Variants in DCHS2 observed in about 807,000 individuals in gnomAD.
The protein encoded by DCHS2 is protocadherin-23.
Under a neutral mutation model 182.4 loss-of-function variants are expected in DCHS2, and 142 were observed. The observed-to-expected ratio is 0.78, with a 90% CI of 0.68 to 0.89. The LOEUF (loss-of-function observed/expected upper bound fraction) is 0.89, where lower values mean the gene tolerates loss of function less well. DCHS2 is among the 40% of genes least tolerant of loss of function. The probability of loss-of-function intolerance (pLI) is 0.00; values close to 1 mark genes in which losing one functional copy is unlikely to be tolerated. For missense variants in DCHS2, 4,319 were observed against 4,198.6 expected, an observed-to-expected ratio of 1.03 and a Z score of -0.79; for synonymous variants, 1,740 against 1,663.3, an observed-to-expected ratio of 1.05 and a Z score of -1.12.
At chr4:154,473,498 G>A (rs746088363) in intron 1 of DCHS2, among the ~76,000 whole-genome samples, 2 of 130,706 alleles carry the variant, frequency 1.5e-5, no homozygotes, top group Non-Finnish European at 3.3e-5. Flanking sequence ...ACACCCAGGT[G>A]ACATATGGAA....
At chr4:154,461,548 A>T (rs1275373211) in intron 1 of DCHS2, among the ~76,000 whole-genome samples, 1 of 152,204 alleles carries the variant, frequency 6.6e-6, no homozygotes, top group South Asian at 2.1e-4. Flanking sequence ...GAAAATATAT[A>T]AAATGGAAAA....
chr4:154,412,561 T>C (rs1732675999), intron 1 of DCHS2, among the ~76,000 whole-genome samples: 1 of 152,102 alleles, frequency 6.6e-6, no homozygotes, highest in Non-Finnish European at 1.5e-5. Flanking sequence ...TGAAATCTTA[T>C]TCACACTTGA....
rs79209084 is a variant in DCHS2 at position 154,332,071 on chromosome 4, C to T, written c.3730+407G>A. On this transcript the variant is annotated intron_variant, in intron 5 of 19. Coordinates refer to ENST00000357232, the MANE Select transcript of DCHS2 (RefSeq NM_001358235.2). The stretch of plus-strand genomic sequence containing the variant: ...GATGATATTTATATTTCACAAAATA[C>T]GTTTTGACGTTTTTTAAATGTCTAC... Among the ~76,000 whole-genome samples the T allele has an allele frequency of 1.7e-4, 26 of 152,096 alleles. No homozygotes were observed. In the East Asian group the frequency reaches 2.3e-3, roughly 14 times the overall value.
At chr4:154,349,633 C>T (rs1205051308) in intron 3 of DCHS2, among the ~76,000 whole-genome samples, 1 of 152,046 alleles carries the variant, frequency 6.6e-6, no homozygotes, top group African/African-American at 2.4e-5. Context: ...ATGACTAAAC[C>T]TTTGTTTCTA....
chr4:154,389,204 T>C (rs1731557169), intron 1 of DCHS2, among the ~76,000 whole-genome samples: 1 of 152,154 alleles, frequency 6.6e-6, no homozygotes, highest in African/African-American at 2.4e-5. Flanking sequence ...TGAAATATTA[T>C]TTCTCTCTCT....
chr4:154,335,997 C>T (rs1346652241), intron 3 of DCHS2, among the ~76,000 whole-genome samples: 1 of 152,132 alleles, frequency 6.6e-6, no homozygotes, highest in Non-Finnish European at 1.5e-5. Context: ...GCTCAAGTGC[C>T]AGAATCCCAA....
At chr4:154,351,582 G>T (rs1057019987) in intron 3 of DCHS2, among the ~76,000 whole-genome samples, 3 of 152,084 alleles carry the variant, frequency 2.0e-5, no homozygotes, top group African/African-American at 7.2e-5. Context: ...CCAAATCAGT[G>T]ATCCTCAACC....
chr4:154,416,291 C>G (rs1435364194), intron 1 of DCHS2, among the ~76,000 whole-genome samples: 1 of 152,222 alleles, frequency 6.6e-6, no homozygotes, highest in Non-Finnish European at 1.5e-5. Flanking sequence ...AGCACAGCTG[C>G]ATCAGCCCCG....
chr4:154,406,407 T>C (rs1228115553), intron 1 of DCHS2, among the ~76,000 whole-genome samples: 1 of 152,234 alleles, frequency 6.6e-6, no homozygotes, highest in African/African-American at 2.4e-5. Flanking sequence ...ATTCCTGTTC[T>C]CTTCTCTCAA....
At chr4:154,317,230 A>T (rs1396774167) in intron 9 of DCHS2, among the ~76,000 whole-genome samples, 2 of 152,258 alleles carry the variant, frequency 1.3e-5, no homozygotes, top group African/African-American at 4.8e-5. Context: ...CAAGAGATTC[A>T]CATTACCTAT....
At chr4:154,317,543 A>C (rs1227434347) in intron 9 of DCHS2, among the ~76,000 whole-genome samples, 1 of 152,242 alleles carries the variant, frequency 6.6e-6, no homozygotes. Context: ...ATTTAACTCC[A>C]TTCCAAATAA....
intron 1 of DCHS2, among the ~76,000 whole-genome samples, chr4:154,386,263 T>C (rs1579034464): frequency 1.3e-5 from 2 of 152,192 alleles, no homozygotes; most frequent in African/African-American, 4.8e-5. Flanking sequence ...CCTCCACTCC[T>C]GTCCGACTCT....
chr4:154,277,464 A>G (rs753616946), intron 13 of DCHS2, among the ~76,000 whole-genome samples: 10 of 152,124 alleles, frequency 6.6e-5, no homozygotes, highest in Non-Finnish European at 1.2e-4. Context: ...AAACCTCTCT[A>G]ATTGGGTAGT....
At chr4:154,259,279 G>A (rs1356779339) in intron 15 of DCHS2, among the ~76,000 whole-genome samples, 1 of 152,020 alleles carries the variant, frequency 6.6e-6, no homozygotes, top group Non-Finnish European at 1.5e-5. Context: ...CATACTTCTA[G>A]TGCTCAACAG....
rs1304740000 is a variant in DCHS2, at chr4:154,491,003, A to T, written c.353T>A (p.Val118Glu). The T allele has an allele frequency of 6.4e-7, 1 of 1,550,486 alleles. No homozygotes were observed. Among genetic ancestry groups the T allele is most frequent in the Admixed American group, 2.0e-5 (1 of 50,980 alleles). Reference protein sequence around the residue: ...DDSPLLDDFHVHPDTGIIRTA... With the variant: ...DDSPLLDDFHEHPDTGIIRTA... ...GCGGATGATGCCGGTGTCCGGGTGC[A>T]CGTGGAAGTCGTCCAGCAGCGGGGA... is the stretch of plus-strand genomic sequence containing the variant. The change falls in exon 1 of 20, where the codon GTG (valine) becomes GAG (glutamate). Residue 118 changes from valine to glutamate, a missense_variant. By Grantham distance (121) the Val-to-Glu change is moderately radical. Transcript: ENST00000357232.
intron 1 of DCHS2, among the ~76,000 whole-genome samples, chr4:154,462,090 C>T (rs1377428561): frequency 2.0e-5 from 3 of 152,118 alleles, no homozygotes; most frequent in East Asian, 3.9e-4. Flanking sequence ...AGATGAGATG[C>T]CTTCCTTCCC....
intron 1 of DCHS2, among the ~76,000 whole-genome samples, chr4:154,399,256 C>T (rs1385012084): frequency 1.3e-5 from 2 of 152,198 alleles, no homozygotes; most frequent in Admixed American, 6.5e-5. Flanking sequence ...TACCTACCCA[C>T]CCTCTCCCTT....
chr4:154,341,185 A>G (rs1729061634), intron 3 of DCHS2, among the ~76,000 whole-genome samples: 1 of 151,964 alleles, frequency 6.6e-6, no homozygotes, highest in Admixed American at 6.6e-5. Flanking sequence ...TGGCTAACAC[A>G]GTGAAACTCC....
At chr4:154,385,851 A>G (rs893735482) in intron 1 of DCHS2, among the ~76,000 whole-genome samples, 7 of 152,140 alleles carry the variant, frequency 4.6e-5, no homozygotes, top group African/African-American at 1.7e-4. Context: ...GCCCTAGGAA[A>G]TTAACACACT....
Sources: gnomAD v4.1 joint callset for allele counts (sites outside exome capture counted in the v4.1 genomes callset) on GRCh38, gnomAD v4.1.1 for gene constraint, MANE v1.5 for transcripts, NCBI Gene and HGNC (gene_info 2026-07-23, HGNC 2026-07-21) for gene names.